Variants in PHYHIPL observed in about 807,000 individuals in gnomAD.
The protein encoded by PHYHIPL is phytanoyl-CoA hydroxylase-interacting protein-like.
A neutral mutation model predicts 33.4 loss-of-function variants in PHYHIPL; 9 were observed. The ratio of observed to expected loss-of-function variants is 0.27; its 90% CI spans 0.16 to 0.47. PHYHIPL has a LOEUF of 0.47. Ranked by LOEUF, PHYHIPL falls within the 20% of genes least tolerant of loss-of-function variation. The pLI, the probability that PHYHIPL is intolerant of heterozygous loss-of-function variation, is 0.99. For synonymous variants in PHYHIPL, 153 were observed against 154.1 expected, an observed-to-expected ratio of 0.99 and a Z score of 0.05; for missense variants, 365 against 460.7, an observed-to-expected ratio of 0.79 and a Z score of 1.90.
intron 4 of PHYHIPL, among the ~76,000 whole-genome samples, chr10:59,243,202 ACAT>A (rs1178303810): frequency 2.0e-5 from 3 of 152,158 alleles, no homozygotes; most frequent in Non-Finnish European, 1.5e-5. Context: ...AATTTGAATG[ACAT>A]CATCATCAGA....
intron 1 of PHYHIPL, among the ~76,000 whole-genome samples, chr10:59,199,338 G>C (rs529847495): frequency 1.3e-4 from 20 of 152,058 alleles, no homozygotes; most frequent in South Asian, 2.1e-4. Context: ...TCTTGTTTTT[G>C]TCAGGTTTGT....
chr10:59,181,095 TGTAAAGTGG>T (rs1838403326), intron 1 of PHYHIPL, among the ~76,000 whole-genome samples: 1 of 152,178 alleles, frequency 6.6e-6, no homozygotes, highest in African/African-American at 2.4e-5. Flanking sequence ...AGCTTTCTTA[TGTAAAGTGG>T]GTATAATACC....
At chr10:59,195,034 A>T (rs563606003) in intron 1 of PHYHIPL, among the ~76,000 whole-genome samples, 3 of 152,194 alleles carry the variant, frequency 2.0e-5, no homozygotes, top group Admixed American at 6.5e-5. Flanking sequence ...CCTGAGAAAG[A>T]AAAGTGTGGA....
chr10:59,181,831 C>A (rs1838419618), intron 1 of PHYHIPL, among the ~76,000 whole-genome samples: 1 of 151,960 alleles, frequency 6.6e-6, no homozygotes, highest in Non-Finnish European at 1.5e-5. Context: ...GTTACTAGAG[C>A]AAGTTACATC....
intron 1 of PHYHIPL, among the ~76,000 whole-genome samples, chr10:59,188,414 G>A (rs1277913644): frequency 7.2e-5 from 11 of 152,282 alleles, no homozygotes; most frequent in African/African-American, 1.9e-4. Context: ...AATAGGTGCG[G>A]TGTGGTGCTG....
Position 59,247,247 on chromosome 10 carries a change from T to C in PHYHIPL, c.*1656T>C, listed in dbSNP as rs1840786131. 5.7e-6 allele frequency: 1 copy of C among 174,370 alleles called. No homozygotes were observed. The highest frequency in any genetic ancestry group is 1.2e-5 in the Non-Finnish European group (1 of 83,768). 10.8% of individuals were successfully genotyped at this position (174,370 alleles called of 1,614,324 possible). On this transcript the variant is annotated 3_prime_UTR_variant, in exon 5 of 5. Transcript: ENST00000373880. ...TTTTTTAAAATCATGCTCTTTTCCA[T>C]ACATCAACATAAACAGTCTTTGGAT...
chr10:59,245,246 C>T lies in PHYHIPL; in HGVS notation c.786C>T (p.Pro262=). 1 of 1,614,098 alleles carries T rather than the reference C, an allele frequency of 6.2e-7. No homozygotes were observed. Among genetic ancestry groups the T allele is most frequent in the Non-Finnish European group, 8.5e-7 (1 of 1,180,002 alleles). Residue 262 remains proline, a synonymous_variant, in exon 5 of 5, where the codon CCC becomes CCT. Coordinates refer to ENST00000373880, the MANE Select transcript of PHYHIPL (RefSeq NM_032439.4). The part of the protein sequence containing the change: ...FEIAAEKLFN[P]NTNLYFGDFY... ...TTGCCGCAGAAAAACTTTTTAACCC[C>T]AATACTAACTTATACTTTGGGGACT...
chr10:59,205,395 C>T (rs994528818), intron 1 of PHYHIPL, among the ~76,000 whole-genome samples: 10 of 152,138 alleles, frequency 6.6e-5, no homozygotes, highest in Non-Finnish European at 1.0e-4. Context: ...AAGAAAATTA[C>T]AACCATGTTT....
At chr10:59,216,884 C>T (rs1208917849) in intron 1 of PHYHIPL, among the ~76,000 whole-genome samples, 1 of 152,184 alleles carries the variant, frequency 6.6e-6, no homozygotes, top group African/African-American at 2.4e-5. Context: ...AGCTTGAAAG[C>T]GCAAACTATA....
chr10:59,184,241 G>C (rs1838501757), intron 1 of PHYHIPL, among the ~76,000 whole-genome samples: 1 of 152,140 alleles, frequency 6.6e-6, no homozygotes, highest in Non-Finnish European at 1.5e-5. Context: ...ATACTCATTT[G>C]TTTACATACT....
intron 1 of PHYHIPL, among the ~76,000 whole-genome samples, chr10:59,221,858 G>C (rs1291480040): frequency 6.6e-6 from 1 of 151,994 alleles, no homozygotes; most frequent in African/African-American, 2.4e-5. Flanking sequence ...CCTTGCTATT[G>C]ACCACATAGT....
chr10:59,209,722 T>G lies in PHYHIPL; in HGVS notation c.107-24582T>G, dbSNP rs187852878. On this transcript the variant is annotated intron_variant, in intron 1 of 4. Transcript: ENST00000373880. ...CATGGTACTGGTACCAAAACAGATA[T>G]GTAGACCAGTGGAACAGAACAGATG... 2.7e-3 allele frequency among the ~76,000 whole-genome samples: 411 copies of G among 152,234 alleles called. 2 individuals carry two copies. The highest frequency in any genetic ancestry group is 4.8e-3 in the Admixed American group (73 of 15,286).
intron 1 of PHYHIPL, among the ~76,000 whole-genome samples, chr10:59,187,574 G>T (rs1838647839): frequency 6.6e-6 from 1 of 152,134 alleles, no homozygotes; most frequent in Admixed American, 6.5e-5. Context: ...GGTAGAATTT[G>T]GCTGCGAATC....
At chr10:59,241,517 G>T (rs937531352) in intron 4 of PHYHIPL, among the ~76,000 whole-genome samples, 8 of 152,094 alleles carry the variant, frequency 5.3e-5, no homozygotes, top group Non-Finnish European at 1.2e-4. Flanking sequence ...AGGGTTTCAG[G>T]AATTCACTGA....
chr10:59,234,436 T>C lies in PHYHIPL; in HGVS notation c.239T>C (p.Ile80Thr). Reference sequence around the variant, plus strand: ...ATGGATTCAAAATCAAAGGATCGCATTACACACTATTTTATTGACCTCAAC... The same window carrying C: ...ATGGATTCAAAATCAAAGGATCGCACTACACACTATTTTATTGACCTCAAC... Reference protein sequence around the residue: ...WEMDSKSKDRITHYFIDLNKK... With the variant: ...WEMDSKSKDRTTHYFIDLNKK... The change falls in exon 2 of 5, where the codon ATT (isoleucine) becomes ACT (threonine). Residue 80 changes from isoleucine to threonine, a missense_variant. Transcript: ENST00000373880. 1 of 1,599,484 alleles carries C rather than the reference T, an allele frequency of 6.3e-7. No homozygotes were observed.
intron 3 of PHYHIPL, among the ~76,000 whole-genome samples, chr10:59,238,060 G>A (rs1275141754): frequency 1.3e-5 from 2 of 151,824 alleles, no homozygotes; most frequent in Admixed American, 6.6e-5. Context: ...AGTTTCTGGT[G>A]TAGGAGTTAA....
intron 1 of PHYHIPL, among the ~76,000 whole-genome samples, chr10:59,188,449 T>G (rs1041910124): frequency 6.6e-6 from 1 of 152,296 alleles, no homozygotes; most frequent in Non-Finnish European, 1.5e-5. Context: ...TCTGTTGATT[T>G]GGGGTGGAGA....
chr10:59,177,052 C>A, intron 1 of PHYHIPL, 93 bp downstream of exon 1: 1 of 1,128,094 alleles, frequency 8.9e-7, no homozygotes, highest in Non-Finnish European at 1.3e-6. Context: ...GCCAGGGCGG[C>A]AGGGTCTTTT....
rs954941052 is a variant in PHYHIPL at position 59,247,507 on chromosome 10, A to G, written c.*1916A>G. On this transcript the variant is annotated 3_prime_UTR_variant, in exon 5 of 5. Coordinates refer to ENST00000373880, the MANE Select transcript of PHYHIPL (RefSeq NM_032439.4). Reference sequence around the variant, plus strand: ...CTTAAAAACAGCTAATACTACCACTAAAGTGCTTCCATTTTCATTGTGTCA... The same window carrying G: ...CTTAAAAACAGCTAATACTACCACTGAAGTGCTTCCATTTTCATTGTGTCA... The G allele has an allele frequency of 9.3e-6, 13 of 1,397,820 alleles. No individual in the cohort carries two copies. In the African/African-American group the frequency reaches 1.9e-4, roughly 20 times the overall value. 86.6% of individuals were successfully genotyped at this position (1,397,820 alleles called of 1,614,324 possible). A position where few individuals can be genotyped will look rare whatever the true frequency, so the allele number is the denominator to read the frequency against.
Sources: allele counts gnomAD v4.1 joint callset (sites outside exome capture counted in the v4.1 genomes callset), GRCh38; gene constraint gnomAD v4.1.1; transcripts MANE v1.5; gene names NCBI Gene and HGNC (gene_info 2026-07-23, HGNC 2026-07-21).